SVIL: variants seen among roughly 807,000 people sequenced by gnomAD.
SVIL encodes archvillin.
Under a neutral mutation model 240.4 loss-of-function variants are expected in SVIL, and 101 were observed. The ratio of observed to expected loss-of-function variants is 0.42; its 90% CI spans 0.36 to 0.50. The LOEUF (loss-of-function observed/expected upper bound fraction) is 0.50. SVIL is among the 20% of genes least tolerant of loss of function. SVIL has a pLI of 0.01. For synonymous variants in SVIL, 999 were observed against 1,100.0 expected, an observed-to-expected ratio of 0.91 and a Z score of 1.82; for missense variants, 2,512 against 2,818.7, an observed-to-expected ratio of 0.89 and a Z score of 2.46.
chr10:29,525,915 C>A (rs1950866173), intron 13 of SVIL, among the ~76,000 whole-genome samples: 1 of 152,166 alleles, frequency 6.6e-6, no homozygotes, highest in Non-Finnish European at 1.5e-5. Context: ...GGACCTCGTG[C>A]AGTAACCAGG....
chr10:29,700,137 C>T (rs1474092594), intron 1 of SVIL, among the ~76,000 whole-genome samples: 2 of 152,160 alleles, frequency 1.3e-5, no homozygotes, highest in South Asian at 2.1e-4. Flanking sequence ...CTACAGCAAA[C>T]GCTTTGCTGA....
At chr10:29,639,746 C>T (rs1589437654), upstream of SVIL, among the ~76,000 whole-genome samples, 1 of 152,130 alleles carries the variant, frequency 6.6e-6, no homozygotes, top group African/African-American at 2.4e-5. Flanking sequence ...AGATTACAGG[C>T]GTGAGCCACC....
intron 1 of SVIL, among the ~76,000 whole-genome samples, chr10:29,726,618 G>A (rs1462877549): frequency 2.0e-5 from 3 of 152,070 alleles, no homozygotes; most frequent in African/African-American, 7.2e-5. Flanking sequence ...GTGGTGGCAG[G>A]TGCCTGTAAT....
At chr10:29,700,612 A>G (rs1962444260) in intron 1 of SVIL, among the ~76,000 whole-genome samples, 1 of 151,646 alleles carries the variant, frequency 6.6e-6, no homozygotes. Context: ...CTGGGACTAC[A>G]GGCGCCCGCC....
At chr10:29,542,780 T>C (rs1403898740) in intron 6 of SVIL, among the ~76,000 whole-genome samples, 2 of 152,242 alleles carry the variant, frequency 1.3e-5, no homozygotes, top group African/African-American at 4.8e-5. Context: ...TAACTACTTT[T>C]TGTACCCGTT....
chr10:29,612,599 T>C lies in SVIL; in HGVS notation c.-201+21821A>G, dbSNP rs541580150. Among the ~76,000 whole-genome samples the C allele has an allele frequency of 2.0e-5, 3 of 152,306 alleles. No individual in the cohort carries two copies. The East Asian group carries it at 5.8e-4, about 29-fold the overall frequency. On this transcript the variant is annotated intron_variant, in intron 1 of 37. Coordinates refer to ENST00000355867, the MANE Select transcript of SVIL (RefSeq NM_021738.3). ...AACTTGTATTTCAAAGAAACAGCTC[T>C]GGAGCTCTGCACCCAGAAAACACAA...
chr10:29,494,784 C>T (rs1236435266), intron 20 of SVIL, 130 bp downstream of exon 20: 3 of 851,168 alleles, frequency 3.5e-6, no homozygotes, highest in Admixed American at 2.3e-5. Flanking sequence ...AGTACGTTAT[C>T]AAGTGAATCA....
intron 1 of SVIL, among the ~76,000 whole-genome samples, chr10:29,695,949 C>T: frequency 7.4e-6 from 1 of 135,284 alleles, no homozygotes; most frequent in South Asian, 2.6e-4. Flanking sequence ...CTCTCCCTCT[C>T]CCTCTCCCGT....
At chr10:29,501,616 C>T (rs1413195231) in intron 17 of SVIL, among the ~76,000 whole-genome samples, 1 of 152,180 alleles carries the variant, frequency 6.6e-6, no homozygotes, top group Non-Finnish European at 1.5e-5. Flanking sequence ...TTCCTAAAAA[C>T]CTGAACATTT....
intron 1 of SVIL, among the ~76,000 whole-genome samples, chr10:29,710,984 A>C (rs1963233932): frequency 6.6e-6 from 1 of 152,256 alleles, no homozygotes; most frequent in Admixed American, 6.5e-5. Flanking sequence ...GTCTTCAAAA[A>C]GAATGCATTT....
At chr10:29,579,093 A>G (rs1291762183) in intron 1 of SVIL, among the ~76,000 whole-genome samples, 1 of 152,220 alleles carries the variant, frequency 6.6e-6, no homozygotes, top group African/African-American at 2.4e-5. Flanking sequence ...CAATGTGTTC[A>G]TCTGAGTTCC....
chr10:29,695,205 C>A (rs983803952), intron 1 of SVIL, among the ~76,000 whole-genome samples: 5 of 152,168 alleles, frequency 3.3e-5, no homozygotes, highest in African/African-American at 1.2e-4. Context: ...AATGTACGAG[C>A]TGCTTATTTA....
intron 1 of SVIL, among the ~76,000 whole-genome samples, chr10:29,596,137 G>A (rs147286650): frequency 1.3e-5 from 2 of 152,282 alleles, no homozygotes; most frequent in East Asian, 3.9e-4. Context: ...TGTGTCTAGT[G>A]GGCTCTGTAG....
chr10:29,469,641 C>A (rs1253568821), intron 32 of SVIL, among the ~76,000 whole-genome samples: 1 of 152,234 alleles, frequency 6.6e-6, no homozygotes, highest in Non-Finnish European at 1.5e-5. Context: ...GCCTTCACTG[C>A]CCTTCCGGTT....
At chr10:29,687,636 G>A (rs1431522187) in intron 1 of SVIL, among the ~76,000 whole-genome samples, 3 of 152,202 alleles carry the variant, frequency 2.0e-5, no homozygotes, top group East Asian at 1.9e-4. Context: ...TCGCGCCACC[G>A]CACTCCAGCC....
chr10:29,645,397 A>G (rs370666589), intron 3 of SVIL, among the ~76,000 whole-genome samples: 32 of 152,084 alleles, frequency 2.1e-4, no homozygotes, highest in African/African-American at 7.2e-4. Flanking sequence ...TGGTGAAACC[A>G]TGTCTCTACT....
At chr10:29,711,486 T>C (rs1247087) in intron 1 of SVIL, among the ~76,000 whole-genome samples, 67,621 of 150,120 alleles carry the variant, frequency 0.45, 15,365 homozygotes, top group African/African-American at 0.53. Context: ...ACTGGACAGG[T>C]GACACTACTC....
chr10:29,600,828 C>A (rs748282174), intron 1 of SVIL, among the ~76,000 whole-genome samples: 12 of 152,184 alleles, frequency 7.9e-5, no homozygotes, highest in Admixed American at 2.0e-4. Context: ...ACAATGGCAT[C>A]TCTCTTCAAG....
intron 2 of SVIL, among the ~76,000 whole-genome samples, chr10:29,667,632 A>G (rs1959416154): frequency 6.6e-6 from 1 of 152,074 alleles, no homozygotes; most frequent in African/African-American, 2.4e-5. Context: ...GGGAAGGATC[A>G]TTTGAGATCA....
Sources: allele counts gnomAD v4.1 joint callset (sites outside exome capture counted in the v4.1 genomes callset), GRCh38; gene constraint gnomAD v4.1.1; transcripts MANE v1.5; gene names NCBI Gene and HGNC (gene_info 2026-07-23, HGNC 2026-07-21).